Variants in CEP85L observed in about 807,000 individuals in gnomAD.
CEP85L encodes the protein centrosomal protein of 85 kDa-like.
A neutral mutation model predicts 100.3 loss-of-function variants in CEP85L; 60 were observed. That is an observed-to-expected ratio of 0.60 (90% confidence interval 0.49 to 0.74). The LOEUF is 0.74. CEP85L is among the 30% of genes least tolerant of loss of function. CEP85L has a pLI of 0.00. For synonymous variants in CEP85L, 319 were observed against 322.7 expected (o/e 0.99, Z 0.12); for missense variants, 973 against 936.2 (o/e 1.04, Z -0.51).
intron 1 of CEP85L, among the ~76,000 whole-genome samples, chr6:118,676,933 A>G (rs1007802683): frequency 5.9e-5 from 9 of 152,134 alleles, no homozygotes; most frequent in Non-Finnish European, 1.2e-4. Context: ...GCATTTTCCT[A>G]ACGATTAGAG....
intron 2 of CEP85L, among the ~76,000 whole-genome samples, chr6:118,614,112 C>T (rs562182213): frequency 6.6e-5 from 10 of 152,174 alleles, no homozygotes; most frequent in African/African-American, 2.4e-4. Context: ...ACCATATCAA[C>T]AAACTAAAGA....
intron 5 of CEP85L, among the ~76,000 whole-genome samples, chr6:118,501,279 G>GT (rs1378411935): frequency 1.3e-5 from 2 of 152,212 alleles, no homozygotes; most frequent in African/African-American, 4.8e-5. Flanking sequence ...AGGCCTTGGG[G>GT]TGCCACTTCT....
chr6:118,569,525 A>C (rs1207210102), intron 2 of CEP85L, among the ~76,000 whole-genome samples: 1 of 151,550 alleles, frequency 6.6e-6, no homozygotes, highest in African/African-American at 2.4e-5. Context: ...CAGCCTTTTT[A>C]GATTCAAATT....
At chr6:118,536,952 C>T (rs1354920124) in intron 3 of CEP85L, among the ~76,000 whole-genome samples, 1 of 152,140 alleles carries the variant, frequency 6.6e-6, no homozygotes, top group East Asian at 1.9e-4. Context: ...AAAGTCATAA[C>T]TGGCTTTGAG....
chr6:118,635,156 C>A (rs1327866204), intron 1 of CEP85L, among the ~76,000 whole-genome samples: 1 of 152,120 alleles, frequency 6.6e-6, no homozygotes, highest in African/African-American at 2.4e-5. Flanking sequence ...AAATATCAGA[C>A]AATTACAAAT....
chr6:118,692,505 T>TATCA (rs767293723), intron 1 of CEP85L, among the ~76,000 whole-genome samples: 68 of 152,286 alleles, frequency 4.5e-4, no homozygotes, highest in Admixed American at 1.8e-3. Flanking sequence ...CAACCTCCCC[T>TATCA]ATCAAGAAGA....
chr6:118,621,860 C>T (rs144654315), intron 2 of CEP85L, among the ~76,000 whole-genome samples: 1 of 152,300 alleles, frequency 6.6e-6, no homozygotes, highest in Non-Finnish European at 1.5e-5. Context: ...AAGGCCAAGC[C>T]ACTCTATATT....
At position 118,537,463 on chromosome 6, in the gene CEP85L, A is replaced by G. The variant is rs369664669; in HGVS notation, c.1021-13543T>C. 2.3e-5 allele frequency: 22 copies of G among 957,784 alleles called. No individual in the cohort carries two copies. In the African/African-American group the frequency reaches 3.7e-4, roughly 16 times the overall value. The allele number at this position is 957,784 out of a possible 1,614,324, so 59.3% of individuals were successfully genotyped here. A position where few individuals can be genotyped will look rare whatever the true frequency, so the allele number is the denominator to read the frequency against. On this transcript the variant is annotated intron_variant, in intron 3 of 12. Transcript: ENST00000368491. ...CATATGACACACTGTTCTCTACCCTAATGTAGGCATGTAGACCCTAACCAT... is the reference window on the plus strand; with the variant it reads ...CATATGACACACTGTTCTCTACCCTGATGTAGGCATGTAGACCCTAACCAT...
chr6:118,689,457 C>G (rs1314564181), intron 1 of CEP85L, among the ~76,000 whole-genome samples: 1 of 152,122 alleles, frequency 6.6e-6, no homozygotes, highest in African/African-American at 2.4e-5. Flanking sequence ...AATCTCTAGT[C>G]TGTTAGGAAT....
At chr6:118,481,957 C>A in intron 7 of CEP85L, 24 bp from the exon 8 acceptor site, 2 of 1,422,248 alleles carry the variant, frequency 1.4e-6, no homozygotes, top group South Asian at 1.5e-5. Flanking sequence ...TTTTACAGTT[C>A]ATTACACATG....
At chr6:118,556,196 T>C (rs1162464048) in intron 3 of CEP85L, among the ~76,000 whole-genome samples, 2 of 152,222 alleles carry the variant, frequency 1.3e-5, no homozygotes, top group African/African-American at 4.8e-5. Flanking sequence ...GAATGGTAGT[T>C]CTGCTTTTAT....
At chr6:118,623,366 C>A (rs547821727) in intron 2 of CEP85L, among the ~76,000 whole-genome samples, 1 of 152,278 alleles carries the variant, frequency 6.6e-6, no homozygotes, top group East Asian at 1.9e-4. Context: ...GAAGCCTTCC[C>A]CTGCACAACA....
At chr6:118,696,268 AAAAAAGAAAAAGAAAAAG>A (rs575296552) in intron 1 of CEP85L, among the ~76,000 whole-genome samples, 1 of 151,838 alleles carries the variant, frequency 6.6e-6, no homozygotes. Flanking sequence ...CTGTCTCAAA[AAAAAAGAAAAAGAAAAAG>A]AAAAAGAAAA....
intron 4 of CEP85L, among the ~76,000 whole-genome samples, chr6:118,514,959 T>C (rs1004438863): frequency 2.0e-5 from 3 of 151,780 alleles, no homozygotes; most frequent in Non-Finnish European, 4.4e-5. Context: ...TAGGATCCAC[T>C]GTGCCCGGCT....
chr6:118,701,443 A>G (rs967778037), intron 1 of CEP85L, among the ~76,000 whole-genome samples: 7 of 152,250 alleles, frequency 4.6e-5, no homozygotes, highest in African/African-American at 1.7e-4. Context: ...CTACACAGCC[A>G]TAAAAAAGAA....
chr6:118,576,042 G>C (rs1780209721), intron 2 of CEP85L, among the ~76,000 whole-genome samples: 1 of 152,004 alleles, frequency 6.6e-6, no homozygotes, highest in Non-Finnish European at 1.5e-5. Context: ...CCAGGCACTA[G>C]AAATAAAATG....
intron 1 of CEP85L, among the ~76,000 whole-genome samples, chr6:118,694,195 A>G (rs188797778): frequency 6.6e-6 from 1 of 152,328 alleles, no homozygotes; most frequent in East Asian, 1.9e-4. Flanking sequence ...CTCTCCCAAG[A>G]GAAACCAAAA....
intron 2 of CEP85L, among the ~76,000 whole-genome samples, chr6:118,575,437 A>G (rs1299485803): frequency 6.6e-6 from 1 of 152,198 alleles, no homozygotes; most frequent in Non-Finnish European, 1.5e-5. Flanking sequence ...CCTGTTTCCC[A>G]GGAGGAAATA....
intron 10 of CEP85L, among the ~76,000 whole-genome samples, chr6:118,477,479 G>A (rs1321719722): frequency 6.6e-6 from 1 of 152,074 alleles, no homozygotes; most frequent in Non-Finnish European, 1.5e-5. Flanking sequence ...TTTGAACACA[G>A]CATCTAAGTA....
Sources: gnomAD v4.1 joint callset for allele counts (sites outside exome capture counted in the v4.1 genomes callset) on GRCh38, gnomAD v4.1.1 for gene constraint, MANE v1.5 for transcripts, NCBI Gene and HGNC (gene_info 2026-07-23, HGNC 2026-07-21) for gene names.